The following CTDSPL variants were observed in gnomAD, a reference collection of about 807,000 sequenced individuals.
CTDSPL encodes the protein CTD small phosphatase-like protein.
In CTDSPL, 8 loss-of-function variants were observed where a neutral mutation model predicts 30.5. The ratio of observed to expected loss-of-function variants is 0.26; its 90% CI spans 0.15 to 0.47. CTDSPL has a LOEUF of 0.47. CTDSPL is among the 20% of genes least tolerant of loss of function. The pLI, the probability that CTDSPL is intolerant of heterozygous loss-of-function variation, is 0.99. For missense variants in CTDSPL, 248 were observed against 366.1 expected (o/e 0.68, Z 2.63); for synonymous variants, 110 against 137.9 (o/e 0.80, Z 1.42).
intron 1 of CTDSPL, among the ~76,000 whole-genome samples, chr3:37,867,001 A>C (rs755918086): frequency 6.6e-6 from 1 of 152,152 alleles, no homozygotes; most frequent in Non-Finnish European, 1.5e-5. Flanking sequence ...ATCTTGTAAA[A>C]CTGTATAGTA....
intron 1 of CTDSPL, among the ~76,000 whole-genome samples, chr3:37,880,579 T>A (rs1698191958): frequency 6.6e-6 from 1 of 152,234 alleles, no homozygotes; most frequent in Non-Finnish European, 1.5e-5. Flanking sequence ...AACCCTTGAC[T>A]GTCTTCATAA....
At chr3:37,883,456 A>G (rs1386972156) in intron 1 of CTDSPL, among the ~76,000 whole-genome samples, 1 of 152,208 alleles carries the variant, frequency 6.6e-6, no homozygotes, top group Non-Finnish European at 1.5e-5. Context: ...TCTAACTAAA[A>G]CATGGCATTT....
chr3:37,906,443 A>T (rs1037722404), intron 1 of CTDSPL, among the ~76,000 whole-genome samples: 13 of 152,134 alleles, frequency 8.5e-5, no homozygotes, highest in African/African-American at 3.1e-4. Flanking sequence ...CAGATTACTC[A>T]TTTTGAGAGT....
In CTDSPL at chr3:37,981,807, A is replaced by G. The variant is rs1412877765; in HGVS notation, c.*940A>G. On this transcript the variant is annotated 3_prime_UTR_variant, in exon 8 of 8. Coordinates refer to ENST00000273179, the MANE Select transcript of CTDSPL (RefSeq NM_001008392.2). ...AAGAAATCTGTTTATTGATTTTTAA[A>G]TCTTTCCTTTCCAAAAGCTGGATAC... 2.2e-6 allele frequency: 1 copy of G among 456,804 alleles called. No individual in the cohort carries two copies. The highest frequency in any genetic ancestry group is 2.0e-5 in the African/African-American group (1 of 50,092). 28.3% of individuals were successfully genotyped at this position (456,804 alleles called of 1,614,324 possible).
At chr3:37,931,452 G>A (rs560525239) in intron 1 of CTDSPL, among the ~76,000 whole-genome samples, 4 of 152,210 alleles carry the variant, frequency 2.6e-5, no homozygotes, top group African/African-American at 9.6e-5. Flanking sequence ...ATCACACCCA[G>A]CCCCCTCTGT....
Position 37,982,383 on chromosome 3 carries a change from A to G in CTDSPL, c.*1516A>G, listed in dbSNP as rs1699501901. Reference sequence around the variant, plus strand: ...AGTGCCATGTTCCTTGTTTGACAACAAGACAGTCTGTAAAGTATTGCTCTT... The same window carrying G: ...AGTGCCATGTTCCTTGTTTGACAACGAGACAGTCTGTAAAGTATTGCTCTT... On this transcript the variant is annotated 3_prime_UTR_variant, in exon 8 of 8. Transcript: ENST00000273179. 5.5e-6 allele frequency: 2 copies of G among 366,960 alleles called. No individual in the cohort carries two copies. Among genetic ancestry groups the G allele is most frequent in the Non-Finnish European group, 1.1e-5 (2 of 184,228 alleles). The allele number at this position is 366,960 out of a possible 1,614,324, so 22.7% of individuals were successfully genotyped here.
At chr3:37,950,061 A>T (rs1213308542) in intron 2 of CTDSPL, among the ~76,000 whole-genome samples, 1 of 152,170 alleles carries the variant, frequency 6.6e-6, no homozygotes, top group East Asian at 1.9e-4. Flanking sequence ...TGCCCACACA[A>T]TGTGTGTGGT....
At chr3:37,972,645 C>T (rs1254571652) in intron 6 of CTDSPL, among the ~76,000 whole-genome samples, 2 of 152,192 alleles carry the variant, frequency 1.3e-5, no homozygotes, top group Non-Finnish European at 2.9e-5. Flanking sequence ...CTAGCAGGTT[C>T]CCAAGCCTCC....
intron 1 of CTDSPL, among the ~76,000 whole-genome samples, chr3:37,899,831 T>C (rs894203529): frequency 5.9e-5 from 9 of 152,340 alleles, no homozygotes; most frequent in African/African-American, 2.2e-4. Flanking sequence ...CTTTTTGAAC[T>C]CCTTAGCTTT....
intron 3 of CTDSPL, among the ~76,000 whole-genome samples, chr3:37,961,378 G>C (rs1395615147): frequency 6.6e-6 from 1 of 152,130 alleles, no homozygotes; most frequent in Non-Finnish European, 1.5e-5. Context: ...AGTATGGGTG[G>C]TCATGAATTG....
Position 37,957,142 on chromosome 3 carries a change from GTGTA to G in CTDSPL, c.267+5_267+8del. 1 of 1,586,100 alleles carries G rather than the reference GTGTA, an allele frequency of 6.3e-7. No individual in the cohort carries two copies. The highest frequency in any genetic ancestry group is 8.6e-7 in the Non-Finnish European group (1 of 1,161,872). On this transcript the variant is annotated splice_donor_variant and splice_donor_region_variant and coding_sequence_variant and intron_variant, in exon 3 of 8. Transcript: ENST00000273179. LOFTEE classifies it high-confidence loss of function. The stretch of plus-strand genomic sequence containing the variant: ...CAGAGGCAGGTCATTCCCATACCAA[GTGTA>G]TGTATATTTATCTAATTTTATTTAT...
intron 5 of CTDSPL, among the ~76,000 whole-genome samples, chr3:37,970,789 T>C (rs548553799): frequency 6.6e-6 from 1 of 152,326 alleles, no homozygotes; most frequent in East Asian, 1.9e-4. Flanking sequence ...GGTCCAGGAA[T>C]AGCGATGGTT....
At chr3:37,962,232 A>G (rs1699252307) in intron 3 of CTDSPL, among the ~76,000 whole-genome samples, 1 of 152,216 alleles carries the variant, frequency 6.6e-6, no homozygotes, top group Non-Finnish European at 1.5e-5. Flanking sequence ...GCATCCTTAC[A>G]TTTCCAAGGA....
chr3:37,933,928 T>A (rs969115246), intron 1 of CTDSPL, among the ~76,000 whole-genome samples: 4 of 152,216 alleles, frequency 2.6e-5, no homozygotes, highest in Non-Finnish European at 4.4e-5. Context: ...GCAAACAAAT[T>A]GCAGCATTTG....
chr3:37,969,757 C>T (rs1423515831), intron 5 of CTDSPL, among the ~76,000 whole-genome samples: 1 of 152,202 alleles, frequency 6.6e-6, no homozygotes, highest in African/African-American at 2.4e-5. Flanking sequence ...ACCCGTGCTA[C>T]GACATCCTGT....
intron 1 of CTDSPL, among the ~76,000 whole-genome samples, chr3:37,921,716 A>G (rs1698718876): frequency 6.6e-6 from 1 of 152,080 alleles, no homozygotes; most frequent in African/African-American, 2.4e-5. Flanking sequence ...GAGGTCTATG[A>G]GGCTTCATCC....
In CTDSPL at chr3:37,932,572, G is replaced by A. The variant is rs560571928; in HGVS notation, c.80-14485G>A. Among the ~76,000 whole-genome samples the A allele has an allele frequency of 2.0e-5, 3 of 152,336 alleles. No individual in the cohort carries two copies. In the South Asian group the frequency reaches 6.2e-4, roughly 32 times the overall value. On this transcript the variant is annotated intron_variant, in intron 1 of 7. Coordinates refer to ENST00000273179, the MANE Select transcript of CTDSPL (RefSeq NM_001008392.2). ...AATGACCAAAATGCACAAAAGAGATGTAGAACTGGGATGGCAGTCAAAGAA... is the reference window on the plus strand; with the variant it reads ...AATGACCAAAATGCACAAAAGAGATATAGAACTGGGATGGCAGTCAAAGAA...
At chr3:37,867,356 C>T (rs879588057) in intron 1 of CTDSPL, among the ~76,000 whole-genome samples, 7 of 152,076 alleles carry the variant, frequency 4.6e-5, no homozygotes, top group East Asian at 1.9e-4. Flanking sequence ...TAACCATTCA[C>T]GCTTTGAATG....
At chr3:37,875,631 T>C (rs1698126494) in intron 1 of CTDSPL, among the ~76,000 whole-genome samples, 1 of 152,248 alleles carries the variant, frequency 6.6e-6, no homozygotes, top group Non-Finnish European at 1.5e-5. Context: ...AAGATTTAGC[T>C]CTTATGCTTA....
Sources: gnomAD v4.1 joint callset for allele counts (sites outside exome capture counted in the v4.1 genomes callset) on GRCh38, gnomAD v4.1.1 for gene constraint, MANE v1.5 for transcripts, NCBI Gene and HGNC (gene_info 2026-07-23, HGNC 2026-07-21) for gene names.